Variants in DPY30 observed in about 807,000 individuals in gnomAD.
DPY30 encodes protein dpy-30 homolog.
In DPY30, 6 loss-of-function variants were observed where a neutral mutation model predicts 16.2. That is an observed-to-expected ratio of 0.37 (90% CI 0.20 to 0.73). The LOEUF (loss-of-function observed/expected upper bound fraction) is 0.73. DPY30 is among the 30% of genes least tolerant of loss of function. The probability of loss-of-function intolerance (pLI) is 0.51; values close to 1 mark genes in which losing one functional copy is unlikely to be tolerated. For missense variants in DPY30, 73 were observed against 113.1 expected (o/e 0.65, Z 1.61); for synonymous variants, 39 against 38.8 (o/e 1.00, Z -0.02).
intron 4 of DPY30, among the ~76,000 whole-genome samples, chr2:32,028,253 A>G (rs11903729): frequency 0.16 from 23,988 of 151,572 alleles, 2,198 homozygotes; most frequent in Middle Eastern, 0.27. Flanking sequence ...AGCAGTGCGG[A>G]CTAAGGCATA....
At chr2:32,022,507 T>A (rs965397267), downstream of DPY30, among the ~76,000 whole-genome samples, 27 of 133,564 alleles carry the variant, frequency 2.0e-4, no homozygotes, top group Non-Finnish European at 3.3e-4. Flanking sequence ...TATGTATTTA[T>A]GTATTTTTTT....
intron 3 of DPY30, among the ~76,000 whole-genome samples, chr2:32,037,336 C>T (rs1026758681): frequency 6.6e-6 from 1 of 151,936 alleles, no homozygotes; most frequent in Admixed American, 6.6e-5. Flanking sequence ...ACAAGGTCTC[C>T]CTGTCTCACT....
At chr2:32,035,233 C>T (rs1164460924) in intron 3 of DPY30, among the ~76,000 whole-genome samples, 2 of 151,862 alleles carry the variant, frequency 1.3e-5, no homozygotes, top group East Asian at 1.9e-4. Context: ...CAGTGAGCTA[C>T]GATCATGCCA....
chr2:32,012,629 G>T (rs1449767149), intron 5 of DPY30, among the ~76,000 whole-genome samples: 2 of 151,624 alleles, frequency 1.3e-5, no homozygotes, highest in Non-Finnish European at 2.9e-5. Context: ...GTAGAGACAG[G>T]GTTTCACCAT....
intron 3 of DPY30, among the ~76,000 whole-genome samples, chr2:32,037,768 G>A (rs191581529): frequency 1.3e-5 from 2 of 151,900 alleles, no homozygotes; most frequent in East Asian, 3.9e-4. Flanking sequence ...ATGTTGGCCA[G>A]GCTTGAATTC....
downstream of DPY30, among the ~76,000 whole-genome samples, chr2:32,019,430 T>C (rs1675128438): frequency 6.6e-6 from 1 of 152,178 alleles, no homozygotes; most frequent in Non-Finnish European, 1.5e-5. Flanking sequence ...AGAGACCGGC[T>C]TGAGCCGAGG....
intron 4 of DPY30, among the ~76,000 whole-genome samples, chr2:32,026,856 A>G (rs542073373): frequency 5.8e-4 from 88 of 151,910 alleles, no homozygotes; most frequent in African/African-American, 2.0e-3. Context: ...AATTTCTAAT[A>G]TATTAGTCTT....
chr2:32,033,200 C>G (rs917635641), intron 3 of DPY30, among the ~76,000 whole-genome samples: 3 of 151,496 alleles, frequency 2.0e-5, no homozygotes, highest in Non-Finnish European at 2.9e-5. Flanking sequence ...CCCAGGCACT[C>G]GGGAGGCTGA....
At chr2:32,022,523 A>G (rs564599611), downstream of DPY30, among the ~76,000 whole-genome samples, 16 of 150,642 alleles carry the variant, frequency 1.1e-4, no homozygotes, top group Non-Finnish European at 2.1e-4. Flanking sequence ...TTTTTTTTTA[A>G]TTTTTTTTCT....
chr2:32,025,740 G>A (rs1004168703), intron 4 of DPY30, among the ~76,000 whole-genome samples: 27 of 147,090 alleles, frequency 1.8e-4, no homozygotes, highest in Admixed American at 9.0e-4. Flanking sequence ...CCAGCCTGCC[G>A]CAACAGAACA....
At chr2:32,022,065 C>A (rs753542845), downstream of DPY30, among the ~76,000 whole-genome samples, 43 of 152,090 alleles carry the variant, frequency 2.8e-4, no homozygotes, top group Admixed American at 1.3e-4. Flanking sequence ...CAAAAATTCG[C>A]TGGGGACAGT....
chr2:32,023,848 A>T, downstream of DPY30: 12 of 1,312,250 alleles, frequency 9.1e-6, no homozygotes, highest in Non-Finnish European at 1.2e-5. Context: ...GAAATTCATA[A>T]AACAATTCAA....
chr2:32,012,971 G>A (rs983625995), intron 5 of DPY30: 1 of 152,150 alleles, frequency 6.6e-6, no homozygotes, highest in Non-Finnish European at 1.5e-5. Context: ...GTGGAGAGGG[G>A]ATTGGATACA....
chr2:32,029,687 T>G lies in DPY30; in HGVS notation c.134A>C (p.Lys45Thr). 6.2e-7 allele frequency: 1 copy of G among 1,614,156 alleles called. No individual in the cohort carries two copies. ...AGTTGGCAAAGACTGGAGATCTACC[T>G]TCTGCTTTGATGACTTTTCTGCATT... ...KINAEKSSKQ[K>T]VDLQSLPTRA... Residue 45 changes from lysine (K) to threonine (T), a missense_variant, in exon 4 of 5, where the codon AAG (lysine) becomes ACG (threonine). Around this residue, in one of 3 missense-constraint regions of DPY30, gnomAD observed 52 missense variants for 71.5 expected, o/e 0.73. Coordinates refer to ENST00000342166, the MANE Select transcript of DPY30 (RefSeq NM_001321209.2).
At chr2:32,035,772 A>T (rs1359718732) in intron 3 of DPY30, among the ~76,000 whole-genome samples, 1 of 151,522 alleles carries the variant, frequency 6.6e-6, no homozygotes, top group Non-Finnish European at 1.5e-5. Context: ...CGCCTCTACT[A>T]AAAATACAAA....
downstream of DPY30, chr2:32,023,891 C>T: frequency 2.0e-5 from 26 of 1,330,188 alleles, no homozygotes; most frequent in Non-Finnish European, 2.6e-5. Flanking sequence ...AGAACAAAAA[C>T]TACTTTAAAA....
At chr2:32,020,239 A>G (rs1675150818), downstream of DPY30, among the ~76,000 whole-genome samples, 1 of 151,146 alleles carries the variant, frequency 6.6e-6, no homozygotes, top group African/African-American at 2.4e-5. Context: ...TGGCTCTCAC[A>G]CCTATAATCC....
chr2:32,025,963 C>T (rs953894412), intron 4 of DPY30, among the ~76,000 whole-genome samples: 14 of 151,972 alleles, frequency 9.2e-5, no homozygotes, highest in African/African-American at 3.4e-4. Flanking sequence ...AAAAAATCAG[C>T]CAGGCGTGGT....
chr2:32,037,376 C>A (rs990776494), intron 3 of DPY30, among the ~76,000 whole-genome samples: 2 of 152,112 alleles, frequency 1.3e-5, no homozygotes, highest in African/African-American at 4.8e-5. Context: ...GCAATTAGGG[C>A]TCACTGCAGC....
Sources: allele counts gnomAD v4.1 joint callset (sites outside exome capture counted in the v4.1 genomes callset), GRCh38; gene constraint gnomAD v4.1.1; regional missense constraint gnomAD v4.1.1; transcripts MANE v1.5; gene names NCBI Gene and HGNC (gene_info 2026-07-23, HGNC 2026-07-21).